PHF14: variants seen among roughly 807,000 people sequenced by gnomAD.
The protein encoded by PHF14 is PHD finger protein 14.
Under a neutral mutation model 117.9 loss-of-function variants are expected in PHF14, and 55 were observed. The observed-to-expected ratio is 0.47, with a 90% CI of 0.38 to 0.58. The LOEUF (loss-of-function observed/expected upper bound fraction) is 0.58. Among genes scored for constraint, PHF14 ranks in the 20% least tolerant of loss-of-function variants. The pLI, the probability that PHF14 is intolerant of heterozygous loss-of-function variation, is 0.00. For missense variants in PHF14, 978 were observed against 1,122.2 expected (o/e 0.87, Z 1.84); for synonymous variants, 409 against 368.6 (o/e 1.11, Z -1.26).
chr7:11,106,028 C>A lies in PHF14; in HGVS notation c.2655-5322C>A, dbSNP rs536968217. ...AGATGGAAATCAGTTTATTAAAGAA[C>A]AAAGCAGACATGTTTCAGGTATGGA... On this transcript the variant is annotated intron_variant, in intron 16 of 17. Coordinates refer to ENST00000634607, the MANE Select transcript of PHF14 (RefSeq NM_001007157.2). The A allele has an allele frequency of 3.0e-6, 3 of 984,614 alleles. No homozygotes were observed. In the African/African-American group the frequency reaches 5.2e-5, roughly 17 times the overall value. The allele number at this position is 984,614 out of a possible 1,614,324, so 61.0% of individuals were successfully genotyped here. A position where few individuals can be genotyped will look rare whatever the true frequency, so the allele number is the denominator to read the frequency against.
intron 16 of PHF14, among the ~76,000 whole-genome samples, chr7:11,088,266 G>A (rs1786495911): frequency 6.6e-6 from 1 of 151,780 alleles, no homozygotes; most frequent in African/African-American, 2.4e-5. Context: ...TTGTTGTATT[G>A]CTATTTTTTA....
At position 11,127,244 on chromosome 7, in the gene PHF14, CT is replaced by C. The variant is rs10668180; in HGVS notation, c.2772+15789del. ...TTCTAGATTTTGATTCTTGCCCCTC[CT>C]TTTTTTTTTTTGACTCATTGCTAGA... On this transcript the variant is annotated intron_variant, in intron 17 of 17. Coordinates refer to ENST00000634607, the MANE Select transcript of PHF14 (RefSeq NM_001007157.2). 5.4e-3 allele frequency among the ~76,000 whole-genome samples: 782 copies of C among 144,898 alleles called. 5 individuals carry two copies. Among genetic ancestry groups the C allele is most frequent in the African/African-American group, 0.014 (543 of 39,276 alleles).
At chr7:11,128,977 A>G (rs1472485796) in intron 17 of PHF14, among the ~76,000 whole-genome samples, 1 of 151,562 alleles carries the variant, frequency 6.6e-6, no homozygotes, top group East Asian at 1.9e-4. Context: ...CATGCTATTG[A>G]TCTTTTTATA....
chr7:11,045,493 GA>G (rs1181906308), intron 13 of PHF14, among the ~76,000 whole-genome samples: 8 of 152,280 alleles, frequency 5.3e-5, no homozygotes, highest in Admixed American at 4.6e-4. Context: ...ACTGTACCTA[GA>G]ATTAATTACT....
chr7:11,164,894 T>C (rs1242953828), intron 17 of PHF14, among the ~76,000 whole-genome samples: 1 of 152,192 alleles, frequency 6.6e-6, no homozygotes, highest in Non-Finnish European at 1.5e-5. Context: ...CTGTGGTCTG[T>C]GATAGTTCCA....
chr7:11,142,004 G>T (rs1188540577), intron 17 of PHF14, among the ~76,000 whole-genome samples: 1 of 151,950 alleles, frequency 6.6e-6, no homozygotes, highest in Non-Finnish European at 1.5e-5. Context: ...CTAGAAATCA[G>T]AAAAATAAGC....
intron 16 of PHF14, chr7:11,102,930 G>C (rs772643438): frequency 3.7e-4 from 385 of 1,047,858 alleles, no homozygotes; most frequent in Non-Finnish European, 4.3e-4. Context: ...TGAAGCCTGT[G>C]GGACTTAATA....
chr7:11,149,387 C>T lies in PHF14; in HGVS notation c.2773-20029C>T, dbSNP rs112325754. On this transcript the variant is annotated intron_variant, in intron 17 of 17. Coordinates refer to ENST00000634607, the MANE Select transcript of PHF14 (RefSeq NM_001007157.2). ...TAACTCTACCAATTGGCTATGGGAC[C>T]CTGGGGAAGTTCATTATGTATTCTG... 6.2e-3 allele frequency among the ~76,000 whole-genome samples: 946 copies of T among 152,004 alleles called. 7 individuals carry two copies. The highest frequency in any genetic ancestry group is 0.022 in the African/African-American group (905 of 41,464).
intron 16 of PHF14, chr7:11,102,371 A>G (rs1391102136): frequency 1.9e-6 from 2 of 1,077,020 alleles, no homozygotes; most frequent in East Asian, 5.1e-5. Context: ...TCTTTGGACC[A>G]GATCATATGT....
intron 17 of PHF14, among the ~76,000 whole-genome samples, chr7:11,138,640 A>T (rs1428993824): frequency 6.6e-6 from 1 of 152,180 alleles, no homozygotes; most frequent in Admixed American, 6.5e-5. Context: ...TACTTAACAA[A>T]TATTTTAATT....
intron 5 of PHF14, among the ~76,000 whole-genome samples, chr7:11,017,411 C>T (rs570317910): frequency 2.6e-5 from 4 of 152,032 alleles, no homozygotes; most frequent in Non-Finnish European, 4.4e-5. Flanking sequence ...TTGTTATTGC[C>T]TGTCTTTTGG....
At chr7:11,109,438 A>G (rs1165951476) in intron 16 of PHF14, 1 of 147,334 alleles carries the variant, frequency 6.8e-6, no homozygotes, top group East Asian at 1.9e-4. Flanking sequence ...ATTTGATGAA[A>G]CGAGCAATGT....
At chr7:11,031,037 TAAG>T (rs1238719325) in intron 7 of PHF14, among the ~76,000 whole-genome samples, 3 of 152,194 alleles carry the variant, frequency 2.0e-5, no homozygotes, top group African/African-American at 7.2e-5. Context: ...CATTTAAAAT[TAAG>T]AAACACATTT....
At chr7:11,029,536 G>T (rs114619394) in intron 7 of PHF14, among the ~76,000 whole-genome samples, 1,795 of 152,146 alleles carry the variant, frequency 0.012, 39 homozygotes, top group African/African-American at 0.041. Context: ...ATGTAAAACA[G>T]TGCCACTCTC....
At chr7:11,035,584 T>TA in intron 7 of PHF14, 56 bp from the exon 8 acceptor site, 2 of 1,154,404 alleles carry the variant, frequency 1.7e-6, no homozygotes, top group Non-Finnish European at 1.2e-6. Flanking sequence ...TGTTAGGTCT[T>TA]TTATGACTCT....
At chr7:11,145,349 C>T (rs1788516514) in intron 17 of PHF14, among the ~76,000 whole-genome samples, 1 of 151,952 alleles carries the variant, frequency 6.6e-6, no homozygotes, top group Admixed American at 6.6e-5. Flanking sequence ...AAAAACAGTT[C>T]TTCCTAGAAT....
intron 4 of PHF14, among the ~76,000 whole-genome samples, chr7:11,000,202 C>A (rs1210727744): frequency 6.6e-6 from 1 of 152,100 alleles, no homozygotes; most frequent in Non-Finnish European, 1.5e-5. Flanking sequence ...CTACTACTTT[C>A]ATCCTCTAGT....
At chr7:11,002,503 A>G (rs974272383) in intron 4 of PHF14, among the ~76,000 whole-genome samples, 3 of 151,814 alleles carry the variant, frequency 2.0e-5, no homozygotes, top group African/African-American at 4.8e-5. Flanking sequence ...CAATGGAGCA[A>G]TCTCGACTCA....
In PHF14 at chr7:10,974,021, G is replaced by A. The variant is rs1461470447; in HGVS notation, c.-303G>A. The A allele has an allele frequency of 5.6e-6, 2 of 354,492 alleles. No homozygotes were observed. The highest frequency in any genetic ancestry group is 1.0e-5 in the Non-Finnish European group (2 of 192,676). The allele number at this position is 354,492 out of a possible 1,614,324, so 22.0% of individuals were successfully genotyped here. ...TAATTTTTTTTCTTCTAGTTTTAAC[G>A]GGAGAAATTAACTCCCCGGGGCCGC... On this transcript the variant is annotated 5_prime_UTR_variant, in exon 1 of 18. Transcript: ENST00000634607.
Sources: gnomAD v4.1 joint callset for allele counts (sites outside exome capture counted in the v4.1 genomes callset) on GRCh38, gnomAD v4.1.1 for gene constraint, MANE v1.5 for transcripts, NCBI Gene and HGNC (gene_info 2026-07-23, HGNC 2026-07-21) for gene names.